DPP6: variants seen among roughly 807,000 people sequenced by gnomAD.
The protein encoded by DPP6 is dipeptidyl peptidase like 6, also known as A-type potassium channel modulatory protein DPP6.
A neutral mutation model predicts 122.6 loss-of-function variants in DPP6; 69 were observed. The observed-to-expected ratio is 0.56, with a 90% CI of 0.46 to 0.69. The LOEUF is 0.69. Among genes scored for constraint, DPP6 ranks in the 30% least tolerant of loss-of-function variants. The pLI is 0.00. For missense variants in DPP6, 928 were observed against 1,116.9 expected (o/e 0.83, Z 2.41); for synonymous variants, 418 against 433.1 (o/e 0.97, Z 0.43).
At chr7:154,165,761 T>C (rs1306124506) in intron 1 of DPP6, among the ~76,000 whole-genome samples, 2 of 152,222 alleles carry the variant, frequency 1.3e-5, no homozygotes, top group East Asian at 3.9e-4. Flanking sequence ...TGGCCAGTGA[T>C]GATGAGCATT....
intron 1 of DPP6, among the ~76,000 whole-genome samples, chr7:154,017,909 G>C (rs1326321742): frequency 2.6e-5 from 4 of 152,156 alleles, no homozygotes; most frequent in Admixed American, 6.5e-5. Context: ...TAAATACAAA[G>C]AGAGTCATAA....
At position 154,611,853 on chromosome 7, in the gene DPP6, A is replaced by ATG. The variant is rs556116932; in HGVS notation, c.628-25967_628-25966insGT. ...TTAGATTTCTCCATTTTGCTTTCAT[A>ATG]TATGTGTGTGTGTGTGTGTGTGTGT... On this transcript the variant is annotated intron_variant, in intron 5 of 25. Coordinates refer to ENST00000377770, the MANE Select transcript of DPP6 (RefSeq NM_130797.4). 1.3e-3 allele frequency among the ~76,000 whole-genome samples: 191 copies of ATG among 147,932 alleles called. 2 individuals are homozygous for ATG. The highest frequency in any genetic ancestry group is 4.5e-3 in the African/African-American group (177 of 39,574).
chr7:154,073,995 A>ATATGTATG (rs1357946997), intron 1 of DPP6, among the ~76,000 whole-genome samples: 1 of 148,866 alleles, frequency 6.7e-6, no homozygotes, highest in Non-Finnish European at 1.5e-5. Flanking sequence ...TCTAAAATAT[A>ATATGTATG]TATCTATGTA....
At position 154,241,219 on chromosome 7, in the gene DPP6, G is replaced by GTGTGTGTGTATA. The variant is rs1444102599; in HGVS notation, c.243+188157_243+188158insGTGTGTGTATAT. On this transcript the variant is annotated intron_variant, in intron 1 of 25. Coordinates refer to ENST00000377770, the MANE Select transcript of DPP6 (RefSeq NM_130797.4). This position sits in a 1 kb window ranked among gnomAD's most constrained non-coding sequence, Gnocchi z 9.0. ...TGTGTGTGTGTGTGTGTGTGTGTGT[G>GTGTGTGTGTATA]TATATATATATAGAGAGAGAGAGAG... Among the ~76,000 whole-genome samples, 17 of 142,866 alleles carry GTGTGTGTGTATA rather than the reference G, an allele frequency of 1.2e-4. No individual in the cohort carries two copies. Among genetic ancestry groups the GTGTGTGTGTATA allele is most frequent in the Admixed American group, 5.5e-4 (8 of 14,636 alleles). 93.7% of individuals were successfully genotyped at this position (142,866 alleles called of 152,430 possible).
chr7:154,427,478 C>A (rs1421527205), intron 1 of DPP6, among the ~76,000 whole-genome samples: 1 of 152,178 alleles, frequency 6.6e-6, no homozygotes, highest in Non-Finnish European at 1.5e-5. Flanking sequence ...AAATAACCTT[C>A]AACTGTCAGA....
At position 154,875,713 on chromosome 7, in the gene DPP6, C is replaced by T. The variant is rs1004268394; in HGVS notation, c.1884-193C>T. Among the ~76,000 whole-genome samples, 1 of 152,154 alleles carries T rather than the reference C, an allele frequency of 6.6e-6. No homozygotes were observed. The highest frequency in any genetic ancestry group is 1.5e-5 in the Non-Finnish European group (1 of 68,032). The stretch of plus-strand genomic sequence containing the variant: ...CTAGGCTCTTGGAGGTCTCCTCTTC[C>T]TCCTCACTTTATGGGGTGTGGATAA... On this transcript the variant is annotated intron_variant, in intron 19 of 25. Coordinates refer to ENST00000377770, the MANE Select transcript of DPP6 (RefSeq NM_130797.4). The surrounding 1 kb of genome is among the most constrained non-coding windows in gnomAD (Gnocchi z 4.5).
chr7:153,843,536 G>A, the DPP6 span, among the ~76,000 whole-genome samples: 226 of 152,184 alleles, frequency 1.5e-3, no homozygotes, highest in South Asian at 1.2e-3. Flanking sequence ...CTGGACCTGA[G>A]ATGCCACCAA....
intron 16 of DPP6, among the ~76,000 whole-genome samples, chr7:154,815,857 G>C (rs1433412501): frequency 6.6e-6 from 1 of 152,120 alleles, no homozygotes; most frequent in Non-Finnish European, 1.5e-5. Context: ...TTAGCAGATT[G>C]GTTTATCAAG....
intron 14 of DPP6, among the ~76,000 whole-genome samples, chr7:154,804,432 G>A (rs1314193213): frequency 3.3e-5 from 5 of 152,216 alleles, no homozygotes; most frequent in East Asian, 1.9e-4. Context: ...AGCCCAGTTC[G>A]GAGGACTTTA....
intron 23 of DPP6, among the ~76,000 whole-genome samples, chr7:154,888,277 CG>C (rs1291342523): frequency 2.6e-5 from 4 of 152,178 alleles, no homozygotes; most frequent in African/African-American, 9.6e-5. Context: ...TCAGTAGAGA[CG>C]GGGTTTCACC....
chr7:154,060,233 G>A (rs1801521635), intron 1 of DPP6, among the ~76,000 whole-genome samples: 1 of 140,800 alleles, frequency 7.1e-6, no homozygotes, highest in African/African-American at 2.7e-5. Flanking sequence ...TTTGCTCTTA[G>A]GATCCCCATC....
At chr7:154,035,052 C>T (rs1268734073) in intron 1 of DPP6, among the ~76,000 whole-genome samples, 6 of 151,932 alleles carry the variant, frequency 3.9e-5, no homozygotes, top group South Asian at 2.1e-4. Context: ...TCTCCCCATC[C>T]GACCCTGAGG....
At chr7:154,619,328 C>A (rs908591685) in intron 5 of DPP6, among the ~76,000 whole-genome samples, 9 of 152,190 alleles carry the variant, frequency 5.9e-5, no homozygotes, top group African/African-American at 9.6e-5. Flanking sequence ...AGCCTCGTAG[C>A]GTTACCTATT....
intron 5 of DPP6, among the ~76,000 whole-genome samples, chr7:154,631,562 G>C (rs1835409519): frequency 6.6e-6 from 1 of 152,140 alleles, no homozygotes; most frequent in Admixed American, 6.5e-5. Context: ...AAGCATTTGG[G>C]AGGCCGAGGC....
At chr7:154,040,306 G>T (rs1434817320) in intron 1 of DPP6, among the ~76,000 whole-genome samples, 955 of 139,064 alleles carry the variant, frequency 6.9e-3, no homozygotes, top group African/African-American at 0.029. Flanking sequence ...GCTGTAAGAA[G>T]TGTTTTTTTG....
chr7:153,874,257 CACACACACACACACACACACACAG>C, the DPP6 span, among the ~76,000 whole-genome samples: 1 of 150,418 alleles, frequency 6.6e-6, no homozygotes, highest in Admixed American at 6.6e-5. Flanking sequence ...CACATGCACA[CACACACACACACACACACACACAG>C]ACACACACAC....
intron 1 of DPP6, among the ~76,000 whole-genome samples, chr7:153,897,136 A>G (rs373989969): frequency 2.6e-5 from 4 of 152,208 alleles, no homozygotes; most frequent in African/African-American, 7.2e-5. Flanking sequence ...GGAAAGACAG[A>G]TATTAGTTCT....
intron 1 of DPP6, among the ~76,000 whole-genome samples, chr7:154,428,678 C>T (rs988367326): frequency 1.4e-4 from 22 of 152,096 alleles, no homozygotes; most frequent in African/African-American, 2.9e-4. Flanking sequence ...ATAAAAATAA[C>T]GAAATAATGT....
At chr7:153,882,105 G>A (rs998817892), upstream of DPP6, among the ~76,000 whole-genome samples, 3 of 152,196 alleles carry the variant, frequency 2.0e-5, no homozygotes, top group Non-Finnish European at 2.9e-5. Context: ...GAATGATTGA[G>A]AGAAGCTAAA....
Sources: gnomAD v4.1 joint callset for allele counts (sites outside exome capture counted in the v4.1 genomes callset) on GRCh38, gnomAD v4.1.1 for gene constraint, Gnocchi (gnomAD v3.1) non-coding constraint, MANE v1.5 for transcripts, NCBI Gene and HGNC (gene_info 2026-07-23, HGNC 2026-07-21) for gene names.